CCSER1: variants seen among roughly 807,000 people sequenced by gnomAD.
The protein encoded by CCSER1 is serine-rich coiled-coil domain-containing protein 1.
CCSER1 carries 41 observed loss-of-function variants against 82.0 expected under a neutral mutation model. That is an observed-to-expected ratio of 0.50 (90% confidence interval 0.39 to 0.65). The LOEUF (loss-of-function observed/expected upper bound fraction) is 0.65. Among genes scored for constraint, CCSER1 ranks in the 30% least tolerant of loss-of-function variants. The pLI is 0.00. For synonymous variants in CCSER1, 414 were observed against 383.9 expected (o/e 1.08, Z -0.92); for missense variants, 1,119 against 1,064.2 (o/e 1.05, Z -0.72).
At chr4:90,218,510 G>A (rs1741525908) in intron 1 of CCSER1, among the ~76,000 whole-genome samples, 1 of 152,120 alleles carries the variant, frequency 6.6e-6, no homozygotes, top group African/African-American at 2.4e-5. Flanking sequence ...TAAAAAAGTT[G>A]TAAAACTCAA....
chr4:91,521,754 A>G (rs1001998237), intron 10 of CCSER1, among the ~76,000 whole-genome samples: 2 of 152,144 alleles, frequency 1.3e-5, no homozygotes, highest in African/African-American at 2.4e-5. Context: ...AAATTTGTTT[A>G]AGTTCTTTGT....
chr4:91,185,935 C>T (rs1734491353), intron 10 of CCSER1, among the ~76,000 whole-genome samples: 1 of 152,158 alleles, frequency 6.6e-6, no homozygotes, highest in Non-Finnish European at 1.5e-5. Context: ...ATATAATAAA[C>T]TAAATGTGCT....
chr4:90,557,444 C>A (rs1017986374), intron 5 of CCSER1, among the ~76,000 whole-genome samples: 1 of 152,010 alleles, frequency 6.6e-6, no homozygotes, highest in Non-Finnish European at 1.5e-5. Context: ...TGGCCTCATT[C>A]ATCTTTATTT....
At chr4:90,425,910 A>ATTCTAT (rs953542375) in intron 4 of CCSER1, among the ~76,000 whole-genome samples, 14 of 151,502 alleles carry the variant, frequency 9.2e-5, no homozygotes, top group Admixed American at 7.9e-4. Context: ...CTAATGGAAG[A>ATTCTAT]TTCTATTTTT....
chr4:90,190,214 A>G (rs1343173033), intron 1 of CCSER1, among the ~76,000 whole-genome samples: 2 of 152,060 alleles, frequency 1.3e-5, no homozygotes, highest in Non-Finnish European at 2.9e-5. Flanking sequence ...GATGCTAACT[A>G]GAGAAAGGAG....
intron 6 of CCSER1, among the ~76,000 whole-genome samples, chr4:90,631,330 A>G (rs1724383851): frequency 6.6e-6 from 1 of 152,116 alleles, no homozygotes; most frequent in Non-Finnish European, 1.5e-5. Flanking sequence ...TTGCATTTGT[A>G]TATTTTTTCT....
intron 9 of CCSER1, among the ~76,000 whole-genome samples, chr4:91,035,546 T>C (rs1741362050): frequency 6.6e-6 from 1 of 152,130 alleles, no homozygotes; most frequent in Non-Finnish European, 1.5e-5. Flanking sequence ...GTGTGGATTG[T>C]TGGGATGGAG....
At chr4:91,041,638 G>A (rs1741963501) in intron 9 of CCSER1, among the ~76,000 whole-genome samples, 1 of 151,958 alleles carries the variant, frequency 6.6e-6, no homozygotes, top group Non-Finnish European at 1.5e-5. Flanking sequence ...AGGCTTACCG[G>A]TTTTCAAAGT....
chr4:90,993,776 C>G (rs896566976), intron 9 of CCSER1, among the ~76,000 whole-genome samples: 2 of 151,928 alleles, frequency 1.3e-5, no homozygotes, highest in East Asian at 3.9e-4. Context: ...TAATTACTTC[C>G]TAGAAGTACC....
intron 10 of CCSER1, among the ~76,000 whole-genome samples, chr4:91,094,497 G>A (rs1016133906): frequency 4.6e-5 from 7 of 152,158 alleles, no homozygotes; most frequent in African/African-American, 9.7e-5. Context: ...TGTACAGTTC[G>A]ATAGTCCTTG....
At chr4:91,129,287 C>G (rs1057138145) in intron 10 of CCSER1, among the ~76,000 whole-genome samples, 1 of 151,784 alleles carries the variant, frequency 6.6e-6, no homozygotes, top group Non-Finnish European at 1.5e-5. Context: ...TTTCAATGAC[C>G]GAAATCCTTC....
intron 10 of CCSER1, among the ~76,000 whole-genome samples, chr4:91,367,317 CAA>C (rs557952182): frequency 0.3 from 22,495 of 74,236 alleles, 1,811 homozygotes; most frequent in Middle Eastern, 0.48. Flanking sequence ...ATCCTGTCTC[CAA>C]AAAAAAAAAA....
intron 10 of CCSER1, among the ~76,000 whole-genome samples, chr4:91,554,065 A>G (rs886593352): frequency 6.6e-6 from 1 of 151,298 alleles, no homozygotes; most frequent in Non-Finnish European, 1.5e-5. Flanking sequence ...GCCTTCTGTA[A>G]GTTTTGGTAT....
At chr4:90,800,690 T>C (rs1756687264) in intron 7 of CCSER1, among the ~76,000 whole-genome samples, 1 of 151,954 alleles carries the variant, frequency 6.6e-6, no homozygotes, top group Admixed American at 6.6e-5. Context: ...GCGACTTATG[T>C]CTTAAATATA....
In CCSER1 at chr4:91,399,946, A is replaced by G. The variant is rs547530662; in HGVS notation, c.2218-198626A>G. Among the ~76,000 whole-genome samples, 50 of 152,128 alleles carry G rather than the reference A, an allele frequency of 3.3e-4. No homozygotes were observed. The East Asian group carries it at 5.0e-3, about 15-fold the overall frequency. ...TTTATAAATTATATAGGTAGAACTC[A>G]TGTAGAATAGTTCTAAAGTCTGTAT... On this transcript the variant is annotated intron_variant, in intron 10 of 10. Transcript: ENST00000509176.
intron 8 of CCSER1, among the ~76,000 whole-genome samples, chr4:90,898,234 T>C (rs887526661): frequency 6.7e-6 from 1 of 149,262 alleles, no homozygotes; most frequent in Non-Finnish European, 1.5e-5. Context: ...AGGATTCTTA[T>C]AGTTTGAGGC....
chr4:91,115,841 T>TTTTATATA (rs747363416), intron 10 of CCSER1, among the ~76,000 whole-genome samples: 3 of 115,242 alleles, frequency 2.6e-5, no homozygotes, highest in East Asian at 2.5e-4. Context: ...TTCCATTCTT[T>TTTTATATA]TATATATATA....
intron 4 of CCSER1, among the ~76,000 whole-genome samples, chr4:90,407,058 T>G (rs1753837918): frequency 6.6e-6 from 1 of 151,844 alleles, no homozygotes; most frequent in Non-Finnish European, 1.5e-5. Context: ...AGACAAAAGA[T>G]AAGTGAATCA....
intron 10 of CCSER1, among the ~76,000 whole-genome samples, chr4:91,175,450 G>A (rs1004388077): frequency 1.3e-5 from 2 of 152,142 alleles, no homozygotes; most frequent in Admixed American, 6.5e-5. Context: ...CAGTGCAAAA[G>A]TGTTTCTATT....
Sources: allele counts gnomAD v4.1 joint callset (sites outside exome capture counted in the v4.1 genomes callset), GRCh38; gene constraint gnomAD v4.1.1; transcripts MANE v1.5; gene names NCBI Gene and HGNC (gene_info 2026-07-23, HGNC 2026-07-21).